SNX30: variants seen among roughly 807,000 people sequenced by gnomAD.
SNX30 encodes sorting nexin-30.
In SNX30, 24 loss-of-function variants were observed where a neutral mutation model predicts 46.4. The ratio of observed to expected loss-of-function variants is 0.52; its 90% CI spans 0.37 to 0.73. The LOEUF (loss-of-function observed/expected upper bound fraction) is 0.73, where lower values mean the gene tolerates loss of function less well. Ranked by LOEUF, SNX30 falls within the 30% of genes least tolerant of loss-of-function variation. SNX30 has a pLI of 0.00. For missense variants in SNX30, 533 were observed against 555.7 expected (o/e 0.96, Z 0.41); for synonymous variants, 189 against 211.5 (o/e 0.89, Z 0.92).
intron 1 of SNX30, among the ~76,000 whole-genome samples, chr9:112,772,134 G>A (rs1278823751): frequency 1.3e-5 from 2 of 152,150 alleles, no homozygotes; most frequent in African/African-American, 4.8e-5. Flanking sequence ...TTTTCAGCCC[G>A]GTGACGTTAG....
At chr9:112,795,097 T>C (rs1006258611) in intron 1 of SNX30, among the ~76,000 whole-genome samples, 1 of 152,184 alleles carries the variant, frequency 6.6e-6, no homozygotes, top group Non-Finnish European at 1.5e-5. Flanking sequence ...TTTTTAGCAA[T>C]TATTGTGTGT....
At chr9:112,752,178 G>A (rs1048081693) in intron 1 of SNX30, among the ~76,000 whole-genome samples, 2 of 152,176 alleles carry the variant, frequency 1.3e-5, no homozygotes, top group African/African-American at 4.8e-5. Context: ...AAAGGAGTAT[G>A]AGAAAATATA....
chr9:112,812,953 C>T (rs1840342429), intron 2 of SNX30, among the ~76,000 whole-genome samples: 1 of 152,000 alleles, frequency 6.6e-6, no homozygotes, highest in South Asian at 2.1e-4. Flanking sequence ...TTGAGACCAG[C>T]CTGGTCAACA....
downstream of SNX30, chr9:112,875,323 T>C (rs1393466808): frequency 1.3e-5 from 2 of 152,230 alleles, no homozygotes; most frequent in Non-Finnish European, 2.9e-5. Flanking sequence ...TCCTGTGTTA[T>C]CCCATAGCAA....
chr9:112,833,594 A>T (rs953308537), intron 4 of SNX30, among the ~76,000 whole-genome samples: 3 of 152,230 alleles, frequency 2.0e-5, no homozygotes, highest in African/African-American at 7.2e-5. Context: ...CATCTTTGGC[A>T]GAGTGGGTAC....
chr9:112,866,342 C>T (rs1328531925), intron 8 of SNX30: 2 of 422,330 alleles, frequency 4.7e-6, no homozygotes, highest in Non-Finnish European at 9.8e-6. Flanking sequence ...ATCCGAGTCT[C>T]AGAGACAGAG....
At position 112,859,547 on chromosome 9, in the gene SNX30, C is replaced by T. The variant is rs568891937; in HGVS notation, c.1102-4700C>T. Among the ~76,000 whole-genome samples, 315 of 152,314 alleles carry T rather than the reference C, an allele frequency of 2.1e-3. 1 individual carries two copies. Among genetic ancestry groups the T allele is most frequent in the African/African-American group, 7.2e-3 (298 of 41,566 alleles). On this transcript the variant is annotated intron_variant, in intron 7 of 8. Transcript: ENST00000374232. The stretch of plus-strand genomic sequence containing the variant: ...GGAATCTCCATACTGTTTTCCATAG[C>T]AGCTATACTGTTTTACAATCCACCA...
rs73552491 is a variant in SNX30 at position 112,838,278 on chromosome 9, T to C, written c.815-220T>C. Among the ~76,000 whole-genome samples the C allele has an allele frequency of 5.2e-3, 795 of 152,312 alleles. 10 individuals carry two copies. Among genetic ancestry groups the C allele is most frequent in the African/African-American group, 0.018 (764 of 41,544 alleles). On this transcript the variant is annotated intron_variant, in intron 5 of 8. Transcript: ENST00000374232. ...ATTATCCAGAGGGATGGCATTCCCA[T>C]CACGGGATGGAATGGATTGATGTAA...
chr9:112,843,019 G>A (rs949851211), intron 6 of SNX30, among the ~76,000 whole-genome samples: 1 of 152,216 alleles, frequency 6.6e-6, no homozygotes, highest in Non-Finnish European at 1.5e-5. Flanking sequence ...TAAACTGTGT[G>A]TGTATAATGA....
At chr9:112,770,538 C>T (rs187568879) in intron 1 of SNX30, among the ~76,000 whole-genome samples, 9 of 152,248 alleles carry the variant, frequency 5.9e-5, no homozygotes, top group African/African-American at 1.9e-4. Context: ...TCAAATCCTC[C>T]ATGGGCTCCA....
intron 7 of SNX30, among the ~76,000 whole-genome samples, chr9:112,854,821 T>C (rs1230894342): frequency 1.3e-5 from 2 of 152,196 alleles, no homozygotes; most frequent in Non-Finnish European, 2.9e-5. Flanking sequence ...CTTGCACTGA[T>C]CCGCTCCTCA....
chr9:112,865,900 C>T (rs993312280), intron 8 of SNX30, among the ~76,000 whole-genome samples: 5 of 151,638 alleles, frequency 3.3e-5, no homozygotes, highest in African/African-American at 9.7e-5. Flanking sequence ...TGCTGTTCAG[C>T]GGCCTTCCTA....
chr9:112,751,994 C>G (rs112170804), intron 1 of SNX30, among the ~76,000 whole-genome samples: 84 of 152,254 alleles, frequency 5.5e-4, no homozygotes, highest in African/African-American at 1.9e-3. Flanking sequence ...TATCCCCGCT[C>G]CTGCCGTCAC....
At chr9:112,848,459 C>T (rs1840973043) in intron 6 of SNX30, among the ~76,000 whole-genome samples, 1 of 152,160 alleles carries the variant, frequency 6.6e-6, no homozygotes, top group African/African-American at 2.4e-5. Context: ...GGATTTTGGG[C>T]CAGCTGCAAA....
chr9:112,865,171 C>A (rs1216263304), intron 8 of SNX30, among the ~76,000 whole-genome samples: 1 of 142,588 alleles, frequency 7.0e-6, no homozygotes, highest in Non-Finnish European at 1.5e-5. Flanking sequence ...CACAACCCCC[C>A]CACACACGAC....
intron 1 of SNX30, among the ~76,000 whole-genome samples, 167 bp downstream of exon 1, chr9:112,751,324 C>A (rs931012801): frequency 6.6e-6 from 1 of 152,210 alleles, no homozygotes; most frequent in Non-Finnish European, 1.5e-5. Context: ...TCCTCTGCCG[C>A]CTCCGCGGGG....
At chr9:112,813,148 C>CA (rs1162899290) in intron 2 of SNX30, among the ~76,000 whole-genome samples, 4 of 151,468 alleles carry the variant, frequency 2.6e-5, no homozygotes, top group East Asian at 1.9e-4. Flanking sequence ...GACTCCATCT[C>CA]AAAAAAAACC....
chr9:112,861,877 C>T (rs370677059), intron 7 of SNX30, among the ~76,000 whole-genome samples: 4 of 152,184 alleles, frequency 2.6e-5, no homozygotes, highest in African/African-American at 4.8e-5. Context: ...CCAGGTTGGC[C>T]GCCCCCTCCA....
At chr9:112,757,116 A>G (rs1320528203) in intron 1 of SNX30, among the ~76,000 whole-genome samples, 1 of 152,142 alleles carries the variant, frequency 6.6e-6, no homozygotes, top group South Asian at 2.1e-4. Flanking sequence ...CATATCTGCT[A>G]TTTTGTATCC....
Sources: allele counts gnomAD v4.1 joint callset (sites outside exome capture counted in the v4.1 genomes callset), GRCh38; gene constraint gnomAD v4.1.1; transcripts MANE v1.5; gene names NCBI Gene and HGNC (gene_info 2026-07-23, HGNC 2026-07-21).